CCR2: variants seen among roughly 807,000 people sequenced by gnomAD.
CCR2 encodes the protein C-C motif chemokine receptor 2.
For synonymous variants in CCR2, 183 were observed against 177.1 expected (o/e 1.03, Z -0.27); for missense variants, 408 against 440.0 (o/e 0.93, Z 0.65).
rs763750438 is a variant in CCR2, at chr3:46,357,486, A to G, written c.-42A>G. 3 of 1,591,136 alleles carry G rather than the reference A, an allele frequency of 1.9e-6. No homozygotes were observed. Among genetic ancestry groups the G allele is most frequent in the Non-Finnish European group, 2.6e-6 (3 of 1,165,538 alleles). ...TGTTCTTTGTTTACAGAACAGAGAA[A>G]GTGGATTGAACAAGGACGCATTTCC... is the stretch of plus-strand genomic sequence containing the variant. On this transcript the variant is annotated 5_prime_UTR_variant, in exon 2 of 2. Coordinates refer to ENST00000445132, the MANE Select transcript of CCR2 (RefSeq NM_001123396.4).
At chr3:46,356,602 G>A (rs1293751801) in intron 1 of CCR2, among the ~76,000 whole-genome samples, 2 of 152,136 alleles carry the variant, frequency 1.3e-5, no homozygotes, top group African/African-American at 2.4e-5. Context: ...CAGTTAGAAC[G>A]TTTTTGACTT....
At chr3:46,357,415 T>C (rs1165436772) in intron 1 of CCR2, 62 bp from the exon 2 acceptor site, 3 of 1,181,824 alleles carry the variant, frequency 2.5e-6, no homozygotes, top group Non-Finnish European at 3.6e-6. Flanking sequence ...GCCAGACTAT[T>C]TGGAAGATCA....
chr3:46,357,417 G>T, intron 1 of CCR2, 60 bp from the exon 2 acceptor site: 1 of 1,190,658 alleles, frequency 8.4e-7, no homozygotes, highest in Non-Finnish European at 1.2e-6. Context: ...CAGACTATTT[G>T]GAAGATCATG....
chr3:46,359,285 T>A lies in CCR2; in HGVS notation c.*675T>A. On this transcript the variant is annotated 3_prime_UTR_variant, in exon 2 of 2. Coordinates refer to ENST00000445132, the MANE Select transcript of CCR2 (RefSeq NM_001123396.4). ...CTATGGCACCCATGCACCTTACATTTGAAATCTATGAAATATCATGCTCCA... is the reference window on the plus strand; with the variant it reads ...CTATGGCACCCATGCACCTTACATTAGAAATCTATGAAATATCATGCTCCA... 9.9e-7 allele frequency: 1 copy of A among 1,010,930 alleles called. No individual in the cohort carries two copies. The highest frequency in any genetic ancestry group is 1.1e-4 in the East Asian group (1 of 9,200). The allele number at this position is 1,010,930 out of a possible 1,614,324, so 62.6% of individuals were successfully genotyped here.
Position 46,358,564 on chromosome 3 carries a change from C to T in CCR2, c.1037C>T (p.Thr346Ile). 2 of 1,606,232 alleles carry T rather than the reference C, an allele frequency of 1.2e-6. No homozygotes were observed. Reference sequence around the variant, plus strand: ...GAGACAGTGGATGGAGTGACTTCAACAAACACGCCTTCCACTGGGGAGCAG... The same window carrying T: ...GAGACAGTGGATGGAGTGACTTCAATAAACACGCCTTCCACTGGGGAGCAG... ...YRETVDGVTS[T>I]NTPSTGEQEV... The change falls in exon 2 of 2, where the codon ACA becomes ATA. Residue 346 changes from threonine to isoleucine, a missense_variant. Coordinates refer to ENST00000445132, the MANE Select transcript of CCR2 (RefSeq NM_001123396.4).
At chr3:46,357,447 T>A (rs1701473527) in intron 1 of CCR2, 30 bp from the exon 2 acceptor site, 1 of 1,443,308 alleles carries the variant, frequency 6.9e-7, no homozygotes, top group East Asian at 2.3e-5. Flanking sequence ...GTTTGTGTTG[T>A]GTGGTCATCA....
At position 46,357,701 on chromosome 3, in the gene CCR2, G is replaced by A; in HGVS notation, c.174G>A (p.Val58=). The change falls in exon 2 of 2, where the codon GTG becomes GTA. Residue 58 remains valine (V), a synonymous_variant. Transcript: ENST00000445132. The stretch of plus-strand genomic sequence containing the variant: ...CGCTGGTGTTCATCTTTGGTTTTGT[G>A]GGCAACATGCTGGTCGTCCTCATCT... ...LYSLVFIFGF[V]GNMLVVLILI... 1 of 1,614,076 alleles carries A rather than the reference G, an allele frequency of 6.2e-7. No homozygotes were observed. The highest frequency in any genetic ancestry group is 8.5e-7 in the Non-Finnish European group (1 of 1,180,010).
Position 46,360,876 on chromosome 3 carries a change from T to C in CCR2, c.*2266T>C, listed in dbSNP as rs1019263369. 6.6e-6 allele frequency: 1 copy of C among 152,260 alleles called. No homozygotes were observed. The highest frequency in any genetic ancestry group is 1.5e-5 in the Non-Finnish European group (1 of 68,042). 9.4% of individuals were successfully genotyped at this position (152,260 alleles called of 1,614,324 possible). A position where few individuals can be genotyped will look rare whatever the true frequency, so the allele number is the denominator to read the frequency against. On this transcript the variant is annotated 3_prime_UTR_variant, in exon 2 of 2. Coordinates refer to ENST00000445132, the MANE Select transcript of CCR2 (RefSeq NM_001123396.4). ...TGGTGATGAAATGTAAATACTGTTT[T>C]TAACAACTATGATTTGGAAAATAAA... is the stretch of plus-strand genomic sequence containing the variant.
rs1434256853 is a variant in CCR2 at position 46,357,768 on chromosome 3, C to T, written c.241C>T (p.Leu81=). The change falls in exon 2 of 2, where the codon CTG becomes TTG. Residue 81 remains leucine (L), a synonymous_variant. Coordinates refer to ENST00000445132, the MANE Select transcript of CCR2 (RefSeq NM_001123396.4). The stretch of plus-strand genomic sequence containing the variant: ...GCTGAAGTGCTTGACTGACATTTAC[C>T]TGCTCAACCTGGCCATCTCTGATCT... ...KKLKCLTDIY[L]LNLAISDLLF... is the part of the protein sequence containing the mutation. 1 of 1,614,176 alleles carries T rather than the reference C, an allele frequency of 6.2e-7. No homozygotes were observed. Among genetic ancestry groups the T allele is most frequent in the Non-Finnish European group, 8.5e-7 (1 of 1,180,030 alleles).
intron 1 of CCR2, among the ~76,000 whole-genome samples, chr3:46,355,629 C>A (rs951519498): frequency 2.0e-5 from 3 of 152,078 alleles, no homozygotes; most frequent in African/African-American, 7.2e-5. Context: ...AAAGGAAAGA[C>A]TACAACAAAG....
At position 46,357,484 on chromosome 3, in the gene CCR2, A is replaced by G. The variant is rs538240316; in HGVS notation, c.-44A>G. On this transcript the variant is annotated 5_prime_UTR_variant, in exon 2 of 2. Coordinates refer to ENST00000445132, the MANE Select transcript of CCR2 (RefSeq NM_001123396.4). ...TTTGTTCTTTGTTTACAGAACAGAGAAAGTGGATTGAACAAGGACGCATTT... is the reference window on the plus strand; with the variant it reads ...TTTGTTCTTTGTTTACAGAACAGAGGAAGTGGATTGAACAAGGACGCATTT... 6.3e-7 allele frequency: 1 copy of G among 1,589,384 alleles called. No homozygotes were observed. Among genetic ancestry groups the G allele is most frequent in the Admixed American group, 1.7e-5 (1 of 59,044 alleles).
chr3:46,360,117 G>T lies in CCR2; in HGVS notation c.*1507G>T. On this transcript the variant is annotated 3_prime_UTR_variant, in exon 2 of 2. Coordinates refer to ENST00000445132, the MANE Select transcript of CCR2 (RefSeq NM_001123396.4). ...AACTGCAACTTGTAAATGTGGTAAA[G>T]AGTTAGTTTGAGTTACTATCATGTC... 2.4e-6 allele frequency: 1 copy of T among 411,264 alleles called. No individual in the cohort carries two copies. Among genetic ancestry groups the T allele is most frequent in the Non-Finnish European group, 4.3e-6 (1 of 230,632 alleles). 25.5% of individuals were successfully genotyped at this position (411,264 alleles called of 1,614,324 possible).
In CCR2 at chr3:46,360,265, G is replaced by T. The variant is rs549688502; in HGVS notation, c.*1655G>T. On this transcript the variant is annotated 3_prime_UTR_variant, in exon 2 of 2. Coordinates refer to ENST00000445132, the MANE Select transcript of CCR2 (RefSeq NM_001123396.4). ...AATAGTTGTTGATTGGCAGGAGTTGGAAGTGTGTGATCTGTGGGCACATTA... is the reference window on the plus strand; with the variant it reads ...AATAGTTGTTGATTGGCAGGAGTTGTAAGTGTGTGATCTGTGGGCACATTA... 1.4e-5 allele frequency: 3 copies of T among 216,026 alleles called. No homozygotes were observed. The South Asian group carries it at 2.1e-4, about 15-fold the overall frequency. The allele number at this position is 216,026 out of a possible 1,614,324, so 13.4% of individuals were successfully genotyped here. A position where few individuals can be genotyped will look rare whatever the true frequency, so the allele number is the denominator to read the frequency against.
Position 46,358,781 on chromosome 3 carries a change from C to T in CCR2, c.*171C>T. On this transcript the variant is annotated 3_prime_UTR_variant, in exon 2 of 2. Coordinates refer to ENST00000445132, the MANE Select transcript of CCR2 (RefSeq NM_001123396.4). The stretch of plus-strand genomic sequence containing the variant: ...ACCCAATGCATATCCAACATGTGCT[C>T]AGGGAATAATCCAGAAAAACTGTGG... The T allele has an allele frequency of 7.1e-7, 1 of 1,412,012 alleles. No homozygotes were observed. The highest frequency in any genetic ancestry group is 9.3e-7 in the Non-Finnish European group (1 of 1,079,500). The allele number at this position is 1,412,012 out of a possible 1,614,324, so 87.5% of individuals were successfully genotyped here.
intron 1 of CCR2, among the ~76,000 whole-genome samples, chr3:46,354,470 T>G (rs1701415992): frequency 6.6e-6 from 1 of 152,160 alleles, no homozygotes; most frequent in African/African-American, 2.4e-5. Flanking sequence ...ACTCTGCCCC[T>G]CTGAGCACCC....
rs1485085933 is a variant in CCR2 at position 46,359,735 on chromosome 3, G to A, written c.*1125G>A. The A allele has an allele frequency of 1.2e-6, 2 of 1,613,978 alleles. No individual in the cohort carries two copies. Among genetic ancestry groups the A allele is most frequent in the African/African-American group, 1.3e-5 (1 of 74,900 alleles). On this transcript the variant is annotated 3_prime_UTR_variant, in exon 2 of 2. Coordinates refer to ENST00000445132, the MANE Select transcript of CCR2 (RefSeq NM_001123396.4). ...CCCACTCCAAAAACCAGTGTGTGGA[G>A]GTCCAGGAGTGAGACCAGGAAAGAA...
chr3:46,358,350 A>G lies in CCR2; in HGVS notation c.823A>G (p.Ser275Gly). The change falls in exon 2 of 2, where the codon AGT becomes GGT. Residue 275 changes from serine (S) to glycine (G), a missense_variant. By Grantham distance (56) the Ser-to-Gly change is moderately conservative (BLOSUM62 0). Transcript: ENST00000445132. ...CACCTTCCAGGAATTCTTCGGCCTG[A>G]GTAACTGTGAAAGCACCAGTCAACT... is the stretch of plus-strand genomic sequence containing the variant. ...LNTFQEFFGL[S>G]NCESTSQLDQ... is the part of the protein sequence containing the mutation. The G allele has an allele frequency of 2.5e-6, 4 of 1,614,184 alleles. No homozygotes were observed. The highest frequency in any genetic ancestry group is 3.4e-6 in the Non-Finnish European group (4 of 1,180,026).
Position 46,357,348 on chromosome 3 carries a change from C to A in CCR2, c.-51-129C>A, listed in dbSNP as rs532922692. On this transcript the variant is annotated intron_variant, in intron 1 of 1. Transcript: ENST00000445132. ...GGCAAATCAGGAACTGGCACACATGCTTTCAGGGAGATGGCTGCAAGGGAG... is the reference window on the plus strand; with the variant it reads ...GGCAAATCAGGAACTGGCACACATGATTTCAGGGAGATGGCTGCAAGGGAG... 6 of 648,884 alleles carry A rather than the reference C, an allele frequency of 9.2e-6. No homozygotes were observed. In the Admixed American group the frequency reaches 1.2e-4, roughly 13 times the overall value. The allele number at this position is 648,884 out of a possible 1,614,324, so 40.2% of individuals were successfully genotyped here.
chr3:46,359,663 T>C lies in CCR2; in HGVS notation c.*1053T>C, dbSNP rs771096310. ...TGCCTTGCCACTCCCCTCACTCTTC[T>C]CTTTTCCCCACAGCCTTTTTCACAT... On this transcript the variant is annotated 3_prime_UTR_variant, in exon 2 of 2. Transcript: ENST00000445132. 1.2e-6 allele frequency: 2 copies of C among 1,604,288 alleles called. No individual in the cohort carries two copies. The highest frequency in any genetic ancestry group is 1.7e-6 in the Non-Finnish European group (2 of 1,176,996).
Sources: allele counts gnomAD v4.1 joint callset (sites outside exome capture counted in the v4.1 genomes callset), GRCh38; gene constraint gnomAD v4.1.1; transcripts MANE v1.5; gene names NCBI Gene and HGNC (gene_info 2026-07-23, HGNC 2026-07-21).